Variants in SPPL2B observed in about 807,000 individuals in gnomAD.
The protein encoded by SPPL2B is signal peptide peptidase like 2B, also known as signal peptide peptidase-like 2B.
SPPL2B carries 39 observed loss-of-function variants against 59.7 expected under a neutral mutation model. The observed-to-expected ratio is 0.65, with a 90% confidence interval of 0.51 to 0.85. The LOEUF (loss-of-function observed/expected upper bound fraction) is 0.85. Among genes scored for constraint, SPPL2B ranks in the 40% least tolerant of loss-of-function variants. SPPL2B has a pLI of 0.00. For missense variants in SPPL2B, 865 were observed against 849.0 expected, an observed-to-expected ratio of 1.02 and a Z score of -0.23; for synonymous variants, 419 against 370.8, an observed-to-expected ratio of 1.13 and a Z score of -1.49.
At chr19:2,337,765 G>C (rs893185290) in intron 3 of SPPL2B, 140 bp downstream of exon 3, 2 of 868,592 alleles carry the variant, frequency 2.3e-6, no homozygotes, top group African/African-American at 1.7e-5. Flanking sequence ...TCTGGGCCGA[G>C]TGTGAACATG....
intron 13 of SPPL2B, among the ~76,000 whole-genome samples, chr19:2,347,002 G>C (rs1969409297): frequency 6.6e-6 from 1 of 152,192 alleles, no homozygotes; most frequent in Non-Finnish European, 1.5e-5. Flanking sequence ...AATTTTCTCA[G>C]AGCTTTATTT....
intron 3 of SPPL2B, chr19:2,338,458 T>C (rs1045111246): frequency 3.2e-6 from 1 of 315,436 alleles, no homozygotes; most frequent in Non-Finnish European, 5.9e-6. Flanking sequence ...CAAGTATCAC[T>C]CAGGACTTGT....
rs767289445 is a variant in SPPL2B at position 2,334,720 on chromosome 19, C to T, written c.185C>T (p.Ala62Val). The T allele has an allele frequency of 2.5e-6, 4 of 1,598,002 alleles. No homozygotes were observed. The highest frequency in any genetic ancestry group is 3.4e-6 in the Non-Finnish European group (4 of 1,171,796). ...WAHLPHDLSK[A>V]SFLQLRNWTA... ...CATCTTCCGCACGACCTCAGCAAGG[C>T]AGTGAGTACCCGCTGGCCGGGCGCC... The change falls in exon 2 of 15, where the codon GCA becomes GTA. Residue 62 changes from alanine to valine, a missense_variant and splice_region_variant. Ala to Val is a moderately conservative substitution (Grantham distance 64). Coordinates refer to ENST00000613503, the MANE Select transcript of SPPL2B (RefSeq NM_152988.3).
intron 2 of SPPL2B, among the ~76,000 whole-genome samples, chr19:2,336,211 CTG>C (rs72082031): frequency 0.022 from 3,411 of 151,918 alleles, 104 homozygotes; most frequent in African/African-American, 0.078. Context: ...ATGTGTATGT[CTG>C]TTTTTATGTG....
intron 7 of SPPL2B, among the ~76,000 whole-genome samples, chr19:2,340,685 C>T (rs1568438957): frequency 1.3e-5 from 2 of 152,272 alleles, no homozygotes; most frequent in South Asian, 2.1e-4. Context: ...TCTGTGGGTA[C>T]AGCCCGTGGC....
At chr19:2,351,772 C>T (rs566782091) in intron 14 of SPPL2B, 178 bp downstream of exon 14, 3 of 828,102 alleles carry the variant, frequency 3.6e-6, no homozygotes, top group Non-Finnish European at 5.4e-6. Flanking sequence ...GACGTGCGTG[C>T]AGCTCCTGTG....
Position 2,338,976 on chromosome 19 carries a change from T to C in SPPL2B, c.460-93T>C, listed in dbSNP as rs1005612083. ...GAGGCGTGGCCCCTGCAGGCCAGGG[T>C]CTCCAGCCCCAGCCCCACAGCCCAC... On this transcript the variant is annotated intron_variant, in intron 4 of 14. Transcript: ENST00000613503. 1.0e-5 allele frequency: 15 copies of C among 1,496,506 alleles called. No homozygotes were observed. In the South Asian group the frequency reaches 1.8e-4, roughly 18 times the overall value. The allele number at this position is 1,496,506 out of a possible 1,614,324, so 92.7% of individuals were successfully genotyped here. A position where few individuals can be genotyped will look rare whatever the true frequency, so the allele number is the denominator to read the frequency against.
chr19:2,347,274 G>A (rs1475022198), intron 13 of SPPL2B, among the ~76,000 whole-genome samples: 7 of 78,072 alleles, frequency 9.0e-5, no homozygotes, highest in East Asian at 3.8e-4. Flanking sequence ...ACACACTCAC[G>A]CACTCTCATT....
rs556086917 is a variant in SPPL2B at position 2,328,720 on chromosome 19, C to T, written c.11C>T (p.Ala4Val). 2.2e-5 allele frequency: 32 copies of T among 1,449,864 alleles called. 1 individual carries two copies. The Admixed American group carries it at 3.0e-4, about 14-fold the overall frequency. The allele number at this position is 1,449,864 out of a possible 1,614,324, so 89.8% of individuals were successfully genotyped here. Residue 4 changes from alanine to valine, a missense_variant, in exon 1 of 15, where the codon GCG (alanine) becomes GTG (valine). Transcript: ENST00000613503. MAA[A>V]VAAALARLLA... Reference sequence around the variant, plus strand: ...CGGGCACCGGCCGACATGGCGGCAGCGGTGGCGGCTGCGCTGGCGCGGCTT... The same window carrying T: ...CGGGCACCGGCCGACATGGCGGCAGTGGTGGCGGCTGCGCTGGCGCGGCTT...
chr19:2,337,559 T>C lies in SPPL2B; in HGVS notation c.303T>C (p.Tyr101=). Residue 101 remains tyrosine (Y), a synonymous_variant, in exon 3 of 15, where the codon TAT becomes TAC. Coordinates refer to ENST00000613503, the MANE Select transcript of SPPL2B (RefSeq NM_152988.3). ...PLVARGNCTF[Y]EKVRLAQGSG... is the part of the protein sequence containing the mutation. ...TGGCGCGGGGGAACTGCACCTTCTA[T>C]GAGAAAGTGAGGCTGGCCCAGGGCA... 1 of 1,611,742 alleles carries C rather than the reference T, an allele frequency of 6.2e-7. No homozygotes were observed. Among genetic ancestry groups the C allele is most frequent in the South Asian group, 1.1e-5 (1 of 91,014 alleles).
chr19:2,348,955 G>A (rs1256350407), intron 13 of SPPL2B, among the ~76,000 whole-genome samples: 8 of 124,960 alleles, frequency 6.4e-5, no homozygotes, highest in Admixed American at 5.3e-4. Context: ...ACACTCACGC[G>A]CTGTCATTCG....
intron 2 of SPPL2B, among the ~76,000 whole-genome samples, chr19:2,336,928 T>G (rs1053928538): frequency 1.4e-5 from 2 of 147,432 alleles, no homozygotes; most frequent in African/African-American, 2.5e-5. Flanking sequence ...TGTATGCATG[T>G]GTGTGCCGTG....
intron 8 of SPPL2B, chr19:2,341,249 G>C (rs112343939): frequency 0.011 from 7,340 of 674,138 alleles, 173 homozygotes; most frequent in African/African-American, 0.069. Flanking sequence ...GGAGAGGCCG[G>C]AGCCCCTGTG....
chr19:2,330,985 G>A (rs940987008), intron 1 of SPPL2B, among the ~76,000 whole-genome samples: 2 of 152,190 alleles, frequency 1.3e-5, no homozygotes, highest in African/African-American at 4.8e-5. Flanking sequence ...ATTTGAGTCC[G>A]ATTGCCCAAG....
At position 2,339,972 on chromosome 19, in the gene SPPL2B, C is replaced by G. The variant is rs748992627; in HGVS notation, c.742+6C>G. 6.4e-7 allele frequency: 1 copy of G among 1,552,566 alleles called. No individual in the cohort carries two copies. Among genetic ancestry groups the G allele is most frequent in the East Asian group, 2.4e-5 (1 of 41,040 alleles). On this transcript the variant is annotated splice_donor_region_variant and intron_variant, in intron 6 of 14. Coordinates refer to ENST00000613503, the MANE Select transcript of SPPL2B (RefSeq NM_152988.3). ...CTATTTCTACGATCTCCTCGGTGCG[C>G]GGCCCCGGGCGGGTGGGCCGCGGCG...
At chr19:2,331,598 C>T (rs1034595711) in intron 1 of SPPL2B, among the ~76,000 whole-genome samples, 7 of 152,050 alleles carry the variant, frequency 4.6e-5, no homozygotes, top group African/African-American at 1.7e-4. Flanking sequence ...ACCAGTTTTG[C>T]GAATTGTGGA....
intron 8 of SPPL2B, chr19:2,342,875 G>T (rs1482570308): frequency 1.4e-5 from 4 of 285,924 alleles, no homozygotes; most frequent in Non-Finnish European, 2.8e-5. Context: ...CCAGGCCCGT[G>T]TCCACCGTCC....
chr19:2,334,683 C>T lies in SPPL2B; in HGVS notation c.148C>T (p.Pro50Ser). Residue 50 changes from proline (P) to serine (S), a missense_variant, in exon 2 of 15, where the codon CCG becomes TCG. By Grantham distance (74) the Pro-to-Ser change is moderately conservative (BLOSUM62 -1). Transcript: ENST00000613503. ...EGKDYCILYN[P>S]QWAHLPHDLS... The stretch of plus-strand genomic sequence containing the variant: ...CAAAGACTACTGCATCCTCTACAAC[C>T]CGCAGTGGGCCCATCTTCCGCACGA... 6.2e-7 allele frequency: 1 copy of T among 1,612,352 alleles called. No homozygotes were observed. The highest frequency in any genetic ancestry group is 8.5e-7 in the Non-Finnish European group (1 of 1,179,114).
intron 8 of SPPL2B, 62 bp downstream of exon 8, chr19:2,341,076 T>C (rs1163849855): frequency 4.9e-6 from 6 of 1,217,702 alleles, no homozygotes; most frequent in Non-Finnish European, 7.1e-6. Context: ...CCAGGGCTCC[T>C]GGGGCCCTGA....
Sources: allele counts gnomAD v4.1 joint callset (sites outside exome capture counted in the v4.1 genomes callset), GRCh38; gene constraint gnomAD v4.1.1; transcripts MANE v1.5; gene names NCBI Gene and HGNC (gene_info 2026-07-23, HGNC 2026-07-21).